ANKRD44: variants seen among roughly 807,000 people sequenced by gnomAD.
ANKRD44 encodes serine/threonine-protein phosphatase 6 regulatory ankyrin repeat subunit B.
In ANKRD44, 35 loss-of-function variants were observed where a neutral mutation model predicts 116.0. That is an observed-to-expected ratio of 0.30 (90% CI 0.23 to 0.40). The LOEUF is 0.40. Ranked by LOEUF, ANKRD44 falls within the 10% of genes least tolerant of loss-of-function variation. The pLI is 1.00. For synonymous variants in ANKRD44, 435 were observed against 461.8 expected (o/e 0.94, Z 0.74); for missense variants, 1,014 against 1,242.6 (o/e 0.82, Z 2.77).
At chr2:197,077,036 T>A (rs2077685278) in intron 16 of ANKRD44, among the ~76,000 whole-genome samples, 1 of 152,218 alleles carries the variant, frequency 6.6e-6, no homozygotes, top group Admixed American at 6.5e-5. Flanking sequence ...GTGGGATTGC[T>A]GGGTTGAATG....
Position 197,290,080 on chromosome 2 carries a change from G to A in ANKRD44, c.27+20498C>T, listed in dbSNP as rs773552819. On this transcript the variant is annotated intron_variant, in intron 1 of 27. Coordinates refer to ENST00000282272, the MANE Select transcript of ANKRD44 (RefSeq NM_001195144.2). ...TCACTATGTTGGCCAGGCTGGTCTC[G>A]AACTCCTGACTTCAAGTGATCTGCC... 3.9e-5 allele frequency among the ~76,000 whole-genome samples: 6 copies of A among 151,992 alleles called. No individual in the cohort carries two copies. In the East Asian group the frequency reaches 7.7e-4, roughly 20 times the overall value.
At chr2:197,091,771 T>C (rs1237785138) in intron 10 of ANKRD44, among the ~76,000 whole-genome samples, 1 of 152,198 alleles carries the variant, frequency 6.6e-6, no homozygotes, top group Non-Finnish European at 1.5e-5. Flanking sequence ...TGGATAAGAA[T>C]AAAAACTAAT....
At chr2:197,044,430 G>A (rs1319120589) in intron 16 of ANKRD44, among the ~76,000 whole-genome samples, 6 of 152,214 alleles carry the variant, frequency 3.9e-5, no homozygotes, top group Admixed American at 6.5e-5. Context: ...ACAGCGGCGC[G>A]ATCTCGGCTC....
intron 1 of ANKRD44, among the ~76,000 whole-genome samples, chr2:197,281,553 G>T (rs1049553187): frequency 6.6e-6 from 1 of 151,950 alleles, no homozygotes; most frequent in African/African-American, 2.4e-5. Context: ...CTCCTTTTTG[G>T]GCCTGGTAAT....
chr2:197,303,666 A>G (rs1219421828), intron 1 of ANKRD44, among the ~76,000 whole-genome samples: 1 of 152,188 alleles, frequency 6.6e-6, no homozygotes, highest in Non-Finnish European at 1.5e-5. Context: ...CCAGGATGGG[A>G]GCAAGGGGAC....
At chr2:197,139,832 G>A (rs1574531793) in intron 3 of ANKRD44, among the ~76,000 whole-genome samples, 1 of 150,474 alleles carries the variant, frequency 6.6e-6, no homozygotes, top group East Asian at 2.0e-4. Context: ...ATGGGGGAGG[G>A]GGGACTAAGC....
chr2:197,025,047 T>G, intron 17 of ANKRD44, 149 bp downstream of exon 17: 2 of 664,836 alleles, frequency 3.0e-6, no homozygotes, highest in East Asian at 5.3e-5. Context: ...CGAGGCAGTC[T>G]GTCTCCACAG....
rs185284059 is a variant in ANKRD44 at position 197,145,286 on chromosome 2, G to A, written c.190+1741C>T. Among the ~76,000 whole-genome samples, 509 of 115,752 alleles carry A rather than the reference G, an allele frequency of 4.4e-3. 4 individuals are homozygous for A. Among genetic ancestry groups the A allele is most frequent in the East Asian group, 0.022 (87 of 3,932 alleles). 75.9% of individuals were successfully genotyped at this position (115,752 alleles called of 152,430 possible). A position where few individuals can be genotyped will look rare whatever the true frequency, so the allele number is the denominator to read the frequency against. ...AGCCTGGGCTACAGAGCAAGACTCC[G>A]TCTCAAAAATAAATAAATAAATAAA... On this transcript the variant is annotated intron_variant, in intron 3 of 27. Coordinates refer to ENST00000282272, the MANE Select transcript of ANKRD44 (RefSeq NM_001195144.2).
At chr2:197,115,401 C>T (rs906246722) in intron 8 of ANKRD44, among the ~76,000 whole-genome samples, 1 of 152,062 alleles carries the variant, frequency 6.6e-6, no homozygotes, top group African/African-American at 2.4e-5. Context: ...ATAAGTAAAC[C>T]ATCAATTGAT....
intron 16 of ANKRD44, among the ~76,000 whole-genome samples, chr2:197,036,665 T>C (rs562175561): frequency 1.1e-4 from 16 of 152,336 alleles, no homozygotes; most frequent in Admixed American, 6.5e-4. Context: ...CTCCAGTGTG[T>C]ATTCAGTTCC....
intron 2 of ANKRD44, among the ~76,000 whole-genome samples, chr2:197,153,369 C>A (rs2079713359): frequency 6.6e-6 from 1 of 151,834 alleles, no homozygotes; most frequent in South Asian, 2.1e-4. Flanking sequence ...AGATAACTGA[C>A]AACCTAGGCC....
At chr2:197,161,681 A>G (rs975728802) in intron 2 of ANKRD44, among the ~76,000 whole-genome samples, 6 of 152,232 alleles carry the variant, frequency 3.9e-5, no homozygotes, top group African/African-American at 1.4e-4. Flanking sequence ...TGTTCATGGA[A>G]GTGAATAATT....
chr2:197,063,320 G>C (rs1224148850), intron 16 of ANKRD44, among the ~76,000 whole-genome samples: 2 of 152,134 alleles, frequency 1.3e-5, no homozygotes, highest in Non-Finnish European at 2.9e-5. Flanking sequence ...CATCATCAAA[G>C]ACTAAAGGTA....
rs1378666250 is a variant in ANKRD44, at chr2:197,083,377, C to T, written c.1449G>A (p.Met483Ile). The T allele has an allele frequency of 1.9e-6, 3 of 1,612,390 alleles. No homozygotes were observed. In the Admixed American group the frequency reaches 5.0e-5, roughly 27 times the overall value. Residue 483 changes from methionine to isoleucine, a missense_variant, in exon 14 of 28, where the codon ATG becomes ATA. Physicochemically the swap from Met to Ile is conservative, Grantham distance 10 (BLOSUM62 1). Transcript: ENST00000282272. ...AGCAAGGCTGTTTTTACTTTCTATC[C>T]ATGTCTGATGCAGCGGCGTAATGCA... Reference protein sequence around the residue: ...TALHYAAASDMDRNKTILGNA... With the variant: ...TALHYAAASDIDRNKTILGNA...
chr2:197,155,555 T>C (rs928560177), intron 2 of ANKRD44, among the ~76,000 whole-genome samples: 1 of 152,216 alleles, frequency 6.6e-6, no homozygotes, highest in Non-Finnish European at 1.5e-5. Context: ...CAAAACAATA[T>C]GGTATTGGTG....
chr2:197,136,359 T>G, intron 4 of ANKRD44: 1 of 548,694 alleles, frequency 1.8e-6, no homozygotes, highest in Non-Finnish European at 3.3e-6. Context: ...GAGAACTCAT[T>G]GAAATTCAGG....
intron 1 of ANKRD44, among the ~76,000 whole-genome samples, chr2:197,275,698 T>C (rs1307513655): frequency 4.0e-5 from 6 of 151,568 alleles, no homozygotes; most frequent in South Asian, 4.2e-4. Flanking sequence ...TGGAACCGGG[T>C]TGGGGGCTTT....
At chr2:197,248,792 G>A (rs1032635778) in intron 1 of ANKRD44, among the ~76,000 whole-genome samples, 45 of 152,016 alleles carry the variant, frequency 3.0e-4, no homozygotes, top group African/African-American at 8.2e-4. Flanking sequence ...GGTAGCATGC[G>A]GTGTCCATGT....
chr2:197,049,350 T>C (rs971324314), intron 16 of ANKRD44, among the ~76,000 whole-genome samples: 1 of 152,206 alleles, frequency 6.6e-6, no homozygotes, highest in Non-Finnish European at 1.5e-5. Context: ...CATTAAAAAT[T>C]TGCCATCTTC....
Sources: allele counts gnomAD v4.1 joint callset (sites outside exome capture counted in the v4.1 genomes callset), GRCh38; gene constraint gnomAD v4.1.1; transcripts MANE v1.5; gene names NCBI Gene and HGNC (gene_info 2026-07-23, HGNC 2026-07-21).